Variants in PIAS2 observed in about 807,000 individuals in gnomAD.
PIAS2 encodes protein inhibitor of activated STAT 2.
Under a neutral mutation model 69.7 loss-of-function variants are expected in PIAS2, and 19 were observed. That is an observed-to-expected ratio of 0.27 (90% CI 0.19 to 0.40). The LOEUF (loss-of-function observed/expected upper bound fraction) is 0.40, where lower values mean the gene tolerates loss of function less well. Ranked by LOEUF, PIAS2 falls within the 10% of genes least tolerant of loss-of-function variation. PIAS2 has a pLI of 1.00. For synonymous variants in PIAS2, 261 were observed against 263.2 expected (o/e 0.99, Z 0.08); for missense variants, 624 against 757.0 (o/e 0.82, Z 2.06).
At chr18:46,812,953 T>G (rs1475276760) in intron 13 of PIAS2, among the ~76,000 whole-genome samples, 1 of 152,166 alleles carries the variant, frequency 6.6e-6, no homozygotes, top group African/African-American at 2.4e-5. Flanking sequence ...CTAACTGTAT[T>G]TAGTTGGGTG....
In PIAS2 at chr18:46,917,369, C is replaced by T. The variant is rs2058095942; in HGVS notation, c.-24G>A. The T allele has an allele frequency of 1.4e-6, 2 of 1,455,572 alleles. No homozygotes were observed. The highest frequency in any genetic ancestry group is 1.8e-6 in the Non-Finnish European group (2 of 1,098,022). 90.2% of individuals were successfully genotyped at this position (1,455,572 alleles called of 1,614,324 possible). A position where few individuals can be genotyped will look rare whatever the true frequency, so the allele number is the denominator to read the frequency against. On this transcript the variant is annotated 5_prime_UTR_variant, in exon 1 of 14. Transcript: ENST00000585916. ...ATTTTATACCACCCGCGGGCGCCGC[C>T]GCCGCTGCCGCCGCACCCACTCCCG...
At chr18:46,883,773 T>C (rs1372481967) in intron 2 of PIAS2, among the ~76,000 whole-genome samples, 8 of 152,028 alleles carry the variant, frequency 5.3e-5, no homozygotes, top group South Asian at 2.1e-4. Context: ...GCCCAGGAGG[T>C]TGAGGCTGAA....
intron 3 of PIAS2, 50 bp downstream of exon 3, chr18:46,864,114 G>T: frequency 9.2e-7 from 1 of 1,081,760 alleles, no homozygotes; most frequent in Non-Finnish European, 1.4e-6. Flanking sequence ...CAGCCCTACA[G>T]GTGAATAAAC....
intron 1 of PIAS2, 62 bp downstream of exon 1, chr18:46,917,260 C>A: frequency 7.0e-7 from 1 of 1,433,884 alleles, no homozygotes; most frequent in East Asian, 3.2e-5. Context: ...GGCGACGTTG[C>A]GGTTTCCCCA....
At chr18:46,844,536 C>T (rs1181116098) in intron 7 of PIAS2, among the ~76,000 whole-genome samples, 198 bp downstream of exon 7, 3 of 151,908 alleles carry the variant, frequency 2.0e-5, no homozygotes, top group Non-Finnish European at 4.4e-5. Flanking sequence ...TTTATACTTC[C>T]TTTGATAATT....
intron 1 of PIAS2, among the ~76,000 whole-genome samples, chr18:46,905,184 C>CAT (rs1266197480): frequency 1.3e-5 from 2 of 152,128 alleles, no homozygotes; most frequent in Non-Finnish European, 2.9e-5. Flanking sequence ...GCATCACACT[C>CAT]AAACAGGCTG....
rs975090147 is a variant in PIAS2 at position 46,844,214 on chromosome 18, A to G, written c.968-87T>C. 7.5e-6 allele frequency: 4 copies of G among 533,734 alleles called. No individual in the cohort carries two copies. The African/African-American group carries it at 7.9e-5, about 11-fold the overall frequency. The allele number at this position is 533,734 out of a possible 1,614,324, so 33.1% of individuals were successfully genotyped here. A position where few individuals can be genotyped will look rare whatever the true frequency, so the allele number is the denominator to read the frequency against. The stretch of plus-strand genomic sequence containing the variant: ...ATAGAAATATATAGCATCTTAAAAC[A>G]AAATGTTACATATTAATGTATTGAC... On this transcript the variant is annotated intron_variant, in intron 7 of 13. Coordinates refer to ENST00000585916, the MANE Select transcript of PIAS2 (RefSeq NM_004671.5).
rs544003680 is a variant in PIAS2 at position 46,863,298 on chromosome 18, TA to T, written c.584+865del. 5.3e-5 allele frequency among the ~76,000 whole-genome samples: 8 copies of T among 152,286 alleles called. 1 individual carries two copies. Among genetic ancestry groups the T allele is most frequent in the African/African-American group, 1.9e-4 (8 of 41,554 alleles). ...TGGTCACCCTGTCTTTGGGCTACTA[TA>T]AATTCTTTTTATATTGCTTTACCCA... On this transcript the variant is annotated intron_variant, in intron 3 of 13. Coordinates refer to ENST00000585916, the MANE Select transcript of PIAS2 (RefSeq NM_004671.5).
chr18:46,863,269 C>G (rs1442427189), intron 3 of PIAS2, among the ~76,000 whole-genome samples: 1 of 152,068 alleles, frequency 6.6e-6, no homozygotes, highest in Non-Finnish European at 1.5e-5. Flanking sequence ...AATGATAAAG[C>G]TTATGGTCAC....
chr18:46,807,573 A>G lies in PIAS2; in HGVS notation c.*4860T>C, dbSNP rs1442211752. On this transcript the variant is annotated 3_prime_UTR_variant, in exon 14 of 14. Coordinates refer to ENST00000585916, the MANE Select transcript of PIAS2 (RefSeq NM_004671.5). ...CACCCACCTAATTTATGTTTTTGCT[A>G]GAGATGGGGTTTCACCATGTTCCAT... 1 of 150,796 alleles carries G rather than the reference A, an allele frequency of 6.6e-6. No homozygotes were observed. The highest frequency in any genetic ancestry group is 1.5e-5 in the Non-Finnish European group (1 of 67,746). The allele number at this position is 150,796 out of a possible 1,614,324, so 9.3% of individuals were successfully genotyped here.
Position 46,864,257 on chromosome 18 carries a change from A to C in PIAS2, c.500-9T>G. The C allele has an allele frequency of 1.1e-6, 1 of 937,862 alleles. No homozygotes were observed. The allele number at this position is 937,862 out of a possible 1,614,324, so 58.1% of individuals were successfully genotyped here. ...CTGAATACTGCTTTGAACTGGGAAG[A>C]AAAAAAAAAAGAAAGATAATATTTC... On this transcript the variant is annotated splice_polypyrimidine_tract_variant and intron_variant, in intron 2 of 13. Transcript: ENST00000585916.
chr18:46,812,665 TAA>T, intron 13 of PIAS2, 53 bp from the exon 14 acceptor site: 2 of 1,082,858 alleles, frequency 1.8e-6, no homozygotes, highest in East Asian at 2.4e-5. Flanking sequence ...TGATTTTAAA[TAA>T]AGAGACTAGA....
At chr18:46,905,610 A>G (rs564446097) in intron 1 of PIAS2, 1 of 152,282 alleles carries the variant, frequency 6.6e-6, no homozygotes, top group South Asian at 2.1e-4. Flanking sequence ...AAAAGAAGGC[A>G]TTTTAAAAAA....
At chr18:46,912,415 A>T (rs190651592) in intron 1 of PIAS2, among the ~76,000 whole-genome samples, 10 of 152,352 alleles carry the variant, frequency 6.6e-5, no homozygotes, top group Admixed American at 2.0e-4. Context: ...CAAGGAAAAA[A>T]GTCTGTACAT....
At position 46,917,360 on chromosome 18, in the gene PIAS2, G is replaced by T; in HGVS notation, c.-15C>A. On this transcript the variant is annotated 5_prime_UTR_variant, in exon 1 of 14. Transcript: ENST00000585916. ...AAATCCGCCATTTTATACCACCCGC[G>T]GGCGCCGCCGCCGCTGCCGCCGCAC... 1 of 1,461,092 alleles carries T rather than the reference G, an allele frequency of 6.8e-7. No homozygotes were observed. The highest frequency in any genetic ancestry group is 9.1e-7 in the Non-Finnish European group (1 of 1,101,004). 90.5% of individuals were successfully genotyped at this position (1,461,092 alleles called of 1,614,324 possible). A position where few individuals can be genotyped will look rare whatever the true frequency, so the allele number is the denominator to read the frequency against.
chr18:46,824,961 C>T (rs1309702269), intron 11 of PIAS2, among the ~76,000 whole-genome samples: 10 of 150,748 alleles, frequency 6.6e-5, no homozygotes, highest in South Asian at 2.1e-4. Flanking sequence ...GATCACACCA[C>T]GGCATTCTAG....
chr18:46,828,505 G>A (rs1483724539), intron 10 of PIAS2, among the ~76,000 whole-genome samples: 1 of 152,162 alleles, frequency 6.6e-6, no homozygotes, highest in African/African-American at 2.4e-5. Flanking sequence ...CTCAGGTCAT[G>A]GGACAAGAAT....
At position 46,804,374 on chromosome 18, in the gene PIAS2, C is replaced by T. The variant is rs756356422; in HGVS notation, c.*8059G>A. The T allele has an allele frequency of 2.0e-5, 3 of 152,180 alleles. No individual in the cohort carries two copies. The highest frequency in any genetic ancestry group is 4.4e-5 in the Non-Finnish European group (3 of 68,026). The allele number at this position is 152,180 out of a possible 1,614,324, so 9.4% of individuals were successfully genotyped here. On this transcript the variant is annotated 3_prime_UTR_variant, in exon 14 of 14. Coordinates refer to ENST00000585916, the MANE Select transcript of PIAS2 (RefSeq NM_004671.5). ...AAAGTAGTTAAAACTGGATTTGAAA[C>T]CTGACTCCTCAATTACAAGCTGCAT...
intron 11 of PIAS2, among the ~76,000 whole-genome samples, chr18:46,823,580 G>A (rs2042439597): frequency 6.6e-6 from 1 of 152,128 alleles, no homozygotes; most frequent in South Asian, 2.1e-4. Flanking sequence ...AACTTTAAAT[G>A]AGTAAATAGC....
Sources: gnomAD v4.1 joint callset for allele counts (sites outside exome capture counted in the v4.1 genomes callset) on GRCh38, gnomAD v4.1.1 for gene constraint, MANE v1.5 for transcripts, NCBI Gene and HGNC (gene_info 2026-07-23, HGNC 2026-07-21) for gene names.